The following CDC42BPB variants were observed in gnomAD, a reference collection of about 807,000 sequenced individuals.
CDC42BPB encodes the protein serine/threonine-protein kinase MRCK beta.
Under a neutral mutation model 214.9 loss-of-function variants are expected in CDC42BPB, and 37 were observed. The ratio of observed to expected loss-of-function variants is 0.17; its 90% CI spans 0.13 to 0.23. The LOEUF (loss-of-function observed/expected upper bound fraction) is 0.23. CDC42BPB is among the 10% of genes least tolerant of loss of function. The pLI is 1.00. For synonymous variants in CDC42BPB, 931 were observed against 884.0 expected, an observed-to-expected ratio of 1.05 and a Z score of -0.94; for missense variants, 1,694 against 2,227.0, an observed-to-expected ratio of 0.76 and a Z score of 4.82.
At chr14:102,950,068 T>C in intron 25 of CDC42BPB, 164 bp from the exon 26 acceptor site, 2 of 985,266 alleles carry the variant, frequency 2.0e-6, no homozygotes, top group Non-Finnish European at 2.4e-6. Flanking sequence ...TGGGGAGGGG[T>C]CCATGCGTGG....
At chr14:102,955,751 T>C (rs978368617) in intron 21 of CDC42BPB, among the ~76,000 whole-genome samples, 3 of 152,218 alleles carry the variant, frequency 2.0e-5, no homozygotes, top group Admixed American at 6.5e-5. Context: ...TAGCAAGTGT[T>C]AGCACCAGCA....
chr14:102,975,452 G>C (rs1008011248), intron 11 of CDC42BPB, among the ~76,000 whole-genome samples: 2 of 152,202 alleles, frequency 1.3e-5, no homozygotes, highest in Non-Finnish European at 2.9e-5. Flanking sequence ...GAACCCAGGA[G>C]GTGGAGGTTT....
intron 3 of CDC42BPB, among the ~76,000 whole-genome samples, chr14:103,006,015 C>CAAAAAAA (rs1172933917): frequency 6.9e-5 from 4 of 58,160 alleles, no homozygotes; most frequent in African/African-American, 2.2e-4. Flanking sequence ...AGAGACGTCT[C>CAAAAAAA]AAAAAAAAAA....
At chr14:102,971,764 A>ATTCC (rs1893482560) in intron 13 of CDC42BPB, among the ~76,000 whole-genome samples, 155 bp downstream of exon 13, 1 of 152,248 alleles carries the variant, frequency 6.6e-6, no homozygotes, top group Non-Finnish European at 1.5e-5. Flanking sequence ...GAGGAATGAG[A>ATTCC]ACAACAAAAT....
chr14:102,981,150 A>G, intron 7 of CDC42BPB, 129 bp from the exon 8 acceptor site: 39 of 1,472,386 alleles, frequency 2.6e-5, no homozygotes, highest in Non-Finnish European at 3.5e-5. Context: ...AACTAAATGC[A>G]ATCCAAAGCT....
At chr14:103,006,015 C>CAAA (rs1172933917) in intron 3 of CDC42BPB, among the ~76,000 whole-genome samples, 40 of 58,130 alleles carry the variant, frequency 6.9e-4, no homozygotes, top group African/African-American at 1.9e-3. Flanking sequence ...AGAGACGTCT[C>CAAA]AAAAAAAAAA....
intron 1 of CDC42BPB, among the ~76,000 whole-genome samples, chr14:103,015,412 T>C (rs1177071737): frequency 6.6e-6 from 1 of 151,678 alleles, no homozygotes; most frequent in African/African-American, 2.4e-5. Context: ...GCTTGAACCC[T>C]GGAGGCAGAG....
In CDC42BPB at chr14:103,053,539, A is replaced by G. The variant is rs570004733; in HGVS notation, c.175+3460T>C. 1.9e-4 allele frequency among the ~76,000 whole-genome samples: 29 copies of G among 152,004 alleles called. No individual in the cohort carries two copies. The East Asian group carries it at 5.3e-3, about 28-fold the overall frequency. On this transcript the variant is annotated intron_variant, in intron 1 of 36. Transcript: ENST00000361246. ...AACTTTGGGAGGCCAAGGGGGGCAG[A>G]TCACGAGGTCTGGAGATCGAGACCA...
At chr14:102,994,323 T>A (rs1318844526) in intron 5 of CDC42BPB, among the ~76,000 whole-genome samples, 1 of 151,824 alleles carries the variant, frequency 6.6e-6, no homozygotes, top group Non-Finnish European at 1.5e-5. Context: ...GCACTGGGGG[T>A]CATCTGCGCC....
intron 2 of CDC42BPB, among the ~76,000 whole-genome samples, chr14:103,011,237 C>T (rs1199190189): frequency 6.6e-6 from 1 of 152,234 alleles, no homozygotes; most frequent in Non-Finnish European, 1.5e-5. Context: ...CAGCCCCATA[C>T]AAGGGACCTG....
At chr14:103,034,888 C>A (rs1158212494) in intron 1 of CDC42BPB, among the ~76,000 whole-genome samples, 1 of 151,374 alleles carries the variant, frequency 6.6e-6, no homozygotes, top group Non-Finnish European at 1.5e-5. Context: ...TTCAGAATAG[C>A]CTGGATTTTT....
intron 34 of CDC42BPB, chr14:102,938,659 T>C (rs1446796033): frequency 1.5e-6 from 1 of 648,404 alleles, no homozygotes; most frequent in African/African-American, 2.0e-5. Context: ...GACTGAGTCT[T>C]GCTCTGTCCC....
chr14:102,973,269 G>C (rs556520389), intron 12 of CDC42BPB, among the ~76,000 whole-genome samples: 1 of 152,348 alleles, frequency 6.6e-6, no homozygotes, highest in South Asian at 2.1e-4. Flanking sequence ...ATGACCCACA[G>C]ATTATCTTAA....
At position 102,983,288 on chromosome 14, in the gene CDC42BPB, G is replaced by A. The variant is rs570364867; in HGVS notation, c.891+268C>T. On this transcript the variant is annotated intron_variant, in intron 7 of 36. Coordinates refer to ENST00000361246, the MANE Select transcript of CDC42BPB (RefSeq NM_006035.4). The stretch of plus-strand genomic sequence containing the variant: ...GGAAGCCAGCTTGGAGCAGGCCAGC[G>A]TCCTTCCCCTGAGAGTGGGGGTGGG... 2.6e-5 allele frequency among the ~76,000 whole-genome samples: 4 copies of A among 152,114 alleles called. No individual in the cohort carries two copies. In the East Asian group the frequency reaches 5.8e-4, roughly 22 times the overall value.
intron 30 of CDC42BPB, among the ~76,000 whole-genome samples, chr14:102,942,269 G>A (rs532711684): frequency 5.3e-5 from 8 of 152,300 alleles, no homozygotes; most frequent in South Asian, 2.1e-4. Flanking sequence ...GGATGGAGCC[G>A]GGACACACTG....
chr14:102,935,662 C>T (rs1595440997), intron 36 of CDC42BPB, among the ~76,000 whole-genome samples: 1 of 151,238 alleles, frequency 6.6e-6, no homozygotes, highest in African/African-American at 2.4e-5. Flanking sequence ...TGGTGGCGGG[C>T]ACCTGTAGTC....
chr14:102,944,309 G>A lies in CDC42BPB; in HGVS notation c.3990C>T (p.Leu1330=). ...TCCTCTTGAGTGTGGCCGTGGCCAT[G>A]AGCTGGCAGCCTTTGGTTTCCGGAA... ...IKLPETKGCQ[L]MATATLKRNS... The change falls in exon 30 of 37, where the codon CTC becomes CTT. Residue 1330 remains leucine, a synonymous_variant. Transcript: ENST00000361246. The surrounding 1 kb of genome is among the most constrained non-coding windows in gnomAD (Gnocchi z 6.6). 1 of 1,613,094 alleles carries A rather than the reference G, an allele frequency of 6.2e-7. No individual in the cohort carries two copies. The highest frequency in any genetic ancestry group is 8.5e-7 in the Non-Finnish European group (1 of 1,180,028).
At chr14:102,978,654 T>C (rs1055406575) in intron 8 of CDC42BPB, among the ~76,000 whole-genome samples, 4 of 152,170 alleles carry the variant, frequency 2.6e-5, no homozygotes, top group African/African-American at 9.7e-5. Flanking sequence ...AGGTAGATTA[T>C]TTTAGATAAG....
At chr14:102,996,109 G>A (rs1894718761) in intron 5 of CDC42BPB, among the ~76,000 whole-genome samples, 1 of 152,254 alleles carries the variant, frequency 6.6e-6, no homozygotes, top group Non-Finnish European at 1.5e-5. Context: ...GGAGGCCGAG[G>A]CGGGCGGATC....
Sources: gnomAD v4.1 joint callset for allele counts (sites outside exome capture counted in the v4.1 genomes callset) on GRCh38, gnomAD v4.1.1 for gene constraint, Gnocchi (gnomAD v3.1) non-coding constraint, MANE v1.5 for transcripts, NCBI Gene and HGNC (gene_info 2026-07-23, HGNC 2026-07-21) for gene names.